The following JADE1 variants were observed in gnomAD, a reference collection of about 807,000 sequenced individuals.
The protein encoded by JADE1 is protein Jade-1.
In JADE1, 14 loss-of-function variants were observed where a neutral mutation model predicts 81.8. The ratio of observed to expected loss-of-function variants is 0.17; its 90% CI spans 0.11 to 0.27. JADE1 has a LOEUF of 0.27. JADE1 is among the 10% of genes least tolerant of loss of function. The pLI, the probability that JADE1 is intolerant of heterozygous loss-of-function variation, is 1.00. For synonymous variants in JADE1, 353 were observed against 391.9 expected, an observed-to-expected ratio of 0.90 and a Z score of 1.17; for missense variants, 690 against 1,047.9, an observed-to-expected ratio of 0.66 and a Z score of 4.71.
intron 1 of JADE1, chr4:128,827,972 G>C (rs941356131): frequency 1.6e-5 from 13 of 800,322 alleles, no homozygotes; most frequent in Non-Finnish European, 2.0e-5. Context: ...TGTTCTTCAG[G>C]ACTCAGCTCA....
At chr4:128,812,366 C>T (rs192262761) in intron 1 of JADE1, among the ~76,000 whole-genome samples, 260 of 151,362 alleles carry the variant, frequency 1.7e-3, no homozygotes, top group Middle Eastern at 7.1e-3. Flanking sequence ...CGGCCCTGCG[C>T]ATTCCCCGGC....
At chr4:128,856,139 C>G (rs975454993) in intron 7 of JADE1, among the ~76,000 whole-genome samples, 2 of 152,122 alleles carry the variant, frequency 1.3e-5, no homozygotes, top group African/African-American at 2.4e-5. Context: ...TTTAATAGCA[C>G]CTTAGCTCAG....
In JADE1 at chr4:128,871,598, A is replaced by C. The variant is rs1732199775; in HGVS notation, c.1865A>C (p.Glu622Ala). 1.9e-6 allele frequency: 3 copies of C among 1,614,186 alleles called. No homozygotes were observed. Among genetic ancestry groups the C allele is most frequent in the South Asian group, 1.1e-5 (1 of 91,090 alleles). Residue 622 changes from glutamate (E) to alanine (A), a missense_variant, in exon 11 of 11, where the codon GAG becomes GCG. Around this residue, in one of 8 missense-constraint regions of JADE1, gnomAD observed 218 missense variants for 274.3 expected, o/e 0.79. Coordinates refer to ENST00000226319, the MANE Select transcript of JADE1 (RefSeq NM_199320.4). This position sits in a 1 kb window ranked among gnomAD's most constrained non-coding sequence, Gnocchi z 4.1. ...CAGCCAGACCTGTGTGGTAGAAGGG[A>C]GGGGATGGTGGTCCCAGAGAGCTTT... ...LKQPDLCGRR[E>A]GMVVPESFLG... is the part of the protein sequence containing the mutation.
At chr4:128,828,544 T>C (rs1426020465) in intron 1 of JADE1, among the ~76,000 whole-genome samples, 1 of 109,662 alleles carries the variant, frequency 9.1e-6, no homozygotes, top group Non-Finnish European at 2.4e-5. Flanking sequence ...TACAGCACTC[T>C]CAAACCCTCA....
intron 1 of JADE1, chr4:128,827,817 G>C: frequency 8.4e-6 from 8 of 955,316 alleles, no homozygotes; most frequent in Non-Finnish European, 1.0e-5. Context: ...ATAACATTAT[G>C]AATCAGTAAA....
At chr4:128,855,820 T>G in intron 7 of JADE1, 23 bp downstream of exon 7, 7 of 1,544,222 alleles carry the variant, frequency 4.5e-6, no homozygotes, top group Non-Finnish European at 6.2e-6. Flanking sequence ...CTTTTTTTGT[T>G]GTTTTTACTT....
At chr4:128,850,989 G>T (rs1158484665) in intron 5 of JADE1, among the ~76,000 whole-genome samples, 2 of 152,076 alleles carry the variant, frequency 1.3e-5, no homozygotes, top group Admixed American at 6.6e-5. Context: ...GGAGTGCAGG[G>T]GTGCAATCTC....
intron 1 of JADE1, among the ~76,000 whole-genome samples, chr4:128,815,209 T>C (rs891140791): frequency 3.1e-5 from 2 of 65,356 alleles, no homozygotes; most frequent in African/African-American, 8.9e-5. Flanking sequence ...CACGCCATTC[T>C]CCTGCCTCAG....
At chr4:128,870,609 A>T (rs1389092674) in intron 10 of JADE1, among the ~76,000 whole-genome samples, 1 of 152,206 alleles carries the variant, frequency 6.6e-6, no homozygotes, top group Non-Finnish European at 1.5e-5. Context: ...TACATTATCA[A>T]ATGATGAGGG....
intron 2 of JADE1, among the ~76,000 whole-genome samples, chr4:128,839,436 C>T (rs1729246219): frequency 6.6e-6 from 1 of 152,154 alleles, no homozygotes; most frequent in Admixed American, 6.5e-5. Flanking sequence ...TGTTTAATAG[C>T]TTTATTGAGA....
chr4:128,840,194 T>A (rs1282934915), intron 2 of JADE1, among the ~76,000 whole-genome samples: 1 of 152,208 alleles, frequency 6.6e-6, no homozygotes, highest in East Asian at 1.9e-4. Context: ...TTGTGTTCTA[T>A]GCCAGCAAAG....
rs1242069036 is a variant in JADE1 at position 128,861,697 on chromosome 4, T to C, written c.982-7T>C. 10 of 1,613,440 alleles carry C rather than the reference T, an allele frequency of 6.2e-6. No homozygotes were observed. Among genetic ancestry groups the C allele is most frequent in the African/African-American group, 1.3e-5 (1 of 74,936 alleles). ...CTATTCTCATGTTCTTTGTGTGTTCTTGACAGTGCTCTGTGAAGAACTGCC... is the reference window on the plus strand; with the variant it reads ...CTATTCTCATGTTCTTTGTGTGTTCCTGACAGTGCTCTGTGAAGAACTGCC... On this transcript the variant is annotated splice_polypyrimidine_tract_variant and splice_region_variant and intron_variant, in intron 8 of 10. Coordinates refer to ENST00000226319, the MANE Select transcript of JADE1 (RefSeq NM_199320.4).
chr4:128,838,027 T>C (rs1729123901), intron 2 of JADE1, among the ~76,000 whole-genome samples: 1 of 152,198 alleles, frequency 6.6e-6, no homozygotes, highest in Admixed American at 6.5e-5. Flanking sequence ...TTTTCCTTAT[T>C]TTAGATCTAG....
At chr4:128,843,166 A>G in intron 3 of JADE1, 128 bp downstream of exon 3, 1 of 693,696 alleles carries the variant, frequency 1.4e-6, no homozygotes, top group Middle Eastern at 3.3e-4. Context: ...CCAAATCTGT[A>G]AGACGGGGAG....
intron 1 of JADE1, chr4:128,816,613 T>G (rs1189932603): frequency 6.6e-6 from 1 of 152,216 alleles, no homozygotes; most frequent in Non-Finnish European, 1.5e-5. Context: ...ATTACCAGAC[T>G]TGGACTGGAA....
intron 8 of JADE1, among the ~76,000 whole-genome samples, chr4:128,859,255 C>T (rs1476680885): frequency 1.3e-5 from 2 of 150,880 alleles, no homozygotes; most frequent in Admixed American, 6.6e-5. Flanking sequence ...CATATGTGTG[C>T]ATGTGTGGGG....
At chr4:128,862,668 G>A (rs1480465524) in intron 9 of JADE1, 5 of 1,016,820 alleles carry the variant, frequency 4.9e-6, no homozygotes, top group South Asian at 3.8e-5. Context: ...TGTTCAGTCC[G>A]GGGAAACACA....
At chr4:128,845,118 T>C (rs141232918) in intron 3 of JADE1, among the ~76,000 whole-genome samples, 3 of 152,342 alleles carry the variant, frequency 2.0e-5, no homozygotes, top group East Asian at 1.9e-4. Context: ...AGCTTTCTTA[T>C]GCAGCCTTAG....
chr4:128,831,875 T>G, intron 2 of JADE1, 65 bp downstream of exon 2: 1 of 1,405,912 alleles, frequency 7.1e-7, no homozygotes, highest in South Asian at 1.2e-5. Context: ...ACATGATTTT[T>G]TAATGTAATG....
Sources: allele counts gnomAD v4.1 joint callset (sites outside exome capture counted in the v4.1 genomes callset), GRCh38; gene constraint gnomAD v4.1.1; regional missense constraint gnomAD v4.1.1; non-coding constraint Gnocchi (gnomAD v3.1); transcripts MANE v1.5; gene names NCBI Gene and HGNC (gene_info 2026-07-23, HGNC 2026-07-21).